The following KCNN1 variants were observed in gnomAD, a reference collection of about 807,000 sequenced individuals.
The protein encoded by KCNN1 is potassium calcium-activated channel subfamily N member 1.
KCNN1 carries 20 observed loss-of-function variants against 44.7 expected under a neutral mutation model. The observed-to-expected ratio is 0.45, with a 90% confidence interval of 0.32 to 0.65. The LOEUF is 0.65. KCNN1 is among the 30% of genes least tolerant of loss of function. The pLI, the probability that KCNN1 is intolerant of heterozygous loss-of-function variation, is 0.05. For missense variants in KCNN1, 632 were observed against 785.3 expected (o/e 0.80, Z 2.33); for synonymous variants, 324 against 341.7 (o/e 0.95, Z 0.57).
intron 2 of KCNN1, 90 bp from the exon 3 acceptor site, chr19:17,975,002 C>T (rs1444001259): frequency 1.5e-5 from 15 of 968,290 alleles, no homozygotes; most frequent in Middle Eastern, 2.2e-4. Context: ...TTAGCTGACT[C>T]CCATGCCCGG....
chr19:17,986,727 G>C (rs1288639749), intron 5 of KCNN1, among the ~76,000 whole-genome samples: 1 of 151,944 alleles, frequency 6.6e-6, no homozygotes, highest in African/African-American at 2.4e-5. Context: ...GAACTCCTGG[G>C]CTCAAGTGAT....
At chr19:17,958,457 C>T (rs1012692554) in intron 2 of KCNN1, among the ~76,000 whole-genome samples, 9 of 147,862 alleles carry the variant, frequency 6.1e-5, no homozygotes, top group East Asian at 2.0e-4. Flanking sequence ...CAAACTGCTG[C>T]GAGACAACAG....
Position 17,989,196 on chromosome 19 carries a change from G to A in KCNN1, c.1171-520G>A, listed in dbSNP as rs760184881. Among the ~76,000 whole-genome samples, 36 of 152,164 alleles carry A rather than the reference G, an allele frequency of 2.4e-4. 1 individual carries two copies. The highest frequency in any genetic ancestry group is 2.9e-5 in the Non-Finnish European group (2 of 68,030). On this transcript the variant is annotated intron_variant, in intron 6 of 9. Coordinates refer to ENST00000684775, the MANE Select transcript of KCNN1 (RefSeq NM_001386974.1). ...ATCATGGCCGGGCGCGGTGGCTCACGCCTGTAATCCCAGCACTTTAGGAGG... is the reference window on the plus strand; with the variant it reads ...ATCATGGCCGGGCGCGGTGGCTCACACCTGTAATCCCAGCACTTTAGGAGG...
Position 17,993,503 on chromosome 19 carries a change from A to G in KCNN1, c.1321A>G (p.Lys441Glu). 6.2e-7 allele frequency: 1 copy of G among 1,613,146 alleles called. No individual in the cohort carries two copies. Among genetic ancestry groups the G allele is most frequent in the Non-Finnish European group, 8.5e-7 (1 of 1,179,580 alleles). The change falls in exon 9 of 10, where the codon AAG becomes GAG. Residue 441 changes from lysine to glutamate, a missense_variant. Coordinates refer to ENST00000684775, the MANE Select transcript of KCNN1 (RefSeq NM_001386974.1). This position sits in a 1 kb window ranked among gnomAD's most constrained non-coding sequence, Gnocchi z 4.5. ...IHQAQKLRSV[K>E]IEQGKLNDQA... ...GTGTCCCCACAGGCTCCGGAGTGTG[A>G]AGATCGAGCAAGGGAAGCTGAACGA...
chr19:17,963,287 G>T (rs6512241), upstream of KCNN1, among the ~76,000 whole-genome samples: 1 of 149,652 alleles, frequency 6.7e-6, no homozygotes, highest in Admixed American at 6.7e-5. Context: ...TGCTGAGATT[G>T]CAGGAGTGAG....
intron 3 of KCNN1, among the ~76,000 whole-genome samples, chr19:17,978,431 T>G (rs1171627305): frequency 3.3e-5 from 5 of 149,878 alleles, no homozygotes; most frequent in African/African-American, 4.9e-5. Flanking sequence ...CCTGTTTTTT[T>G]TTTTTTTTTT....
chr19:18,000,065 C>G lies in KCNN1; in HGVS notation c.*1659C>G, dbSNP rs976274116. The G allele has an allele frequency of 4.4e-6, 2 of 455,092 alleles. No individual in the cohort carries two copies. Among genetic ancestry groups the G allele is most frequent in the Non-Finnish European group, 8.8e-6 (2 of 226,354 alleles). The allele number at this position is 455,092 out of a possible 1,614,324, so 28.2% of individuals were successfully genotyped here. ...TAGGTGCTCAATAAATGCTCCTTCCCGCCTGAGGGATCACACTGGAGTCTT... is the reference window on the plus strand; with the variant it reads ...TAGGTGCTCAATAAATGCTCCTTCCGGCCTGAGGGATCACACTGGAGTCTT... On this transcript the variant is annotated 3_prime_UTR_variant, in exon 10 of 10. Transcript: ENST00000684775.
At chr19:17,972,871 G>A (rs560301892) in intron 1 of KCNN1, among the ~76,000 whole-genome samples, 29 of 152,336 alleles carry the variant, frequency 1.9e-4, no homozygotes, top group Admixed American at 5.2e-4. Context: ...TGTTTCCTGA[G>A]TGTCATCTGT....
In KCNN1 at chr19:17,967,249, G is replaced by C. The variant is rs940586996; in HGVS notation, c.-150G>C. On this transcript the variant is annotated 5_prime_UTR_variant, in exon 1 of 10. Coordinates refer to ENST00000684775, the MANE Select transcript of KCNN1 (RefSeq NM_001386974.1). ...GCGACCCCGGCTCCGGCTCCCGACT[G>C]GGGGTCCGCGGCCGCGCGGGACCCT... 9 of 984,636 alleles carry C rather than the reference G, an allele frequency of 9.1e-6. 1 individual carries two copies. In the Admixed American group the frequency reaches 2.5e-4, roughly 27 times the overall value. The allele number at this position is 984,636 out of a possible 1,614,324, so 61.0% of individuals were successfully genotyped here.
At chr19:17,982,880 A>G (rs2032466711) in intron 4 of KCNN1, among the ~76,000 whole-genome samples, 1 of 151,916 alleles carries the variant, frequency 6.6e-6, no homozygotes, top group Non-Finnish European at 1.5e-5. Flanking sequence ...CAAGACTTAA[A>G]TGGATCTGGG....
intron 5 of KCNN1, among the ~76,000 whole-genome samples, chr19:17,986,192 A>C (rs9676715): frequency 0.38 from 57,740 of 151,038 alleles, 11,337 homozygotes; most frequent in East Asian, 0.54. Flanking sequence ...GGTGAGACCC[A>C]GTCTGTACTA....
intron 2 of KCNN1, among the ~76,000 whole-genome samples, chr19:17,959,174 G>A (rs1360628159): frequency 6.6e-6 from 1 of 151,660 alleles, no homozygotes; most frequent in Admixed American, 6.6e-5. Context: ...ATACGCGTGC[G>A]CCACCACACC....
intron 2 of KCNN1, 72 bp from the exon 3 acceptor site, chr19:17,975,020 G>A: frequency 8.4e-7 from 1 of 1,188,544 alleles, no homozygotes; most frequent in Non-Finnish European, 1.3e-6. Context: ...CGGGAGCCAG[G>A]GTAAGGGGAT....
At chr19:17,991,709 G>A (rs1055339366) in intron 7 of KCNN1, among the ~76,000 whole-genome samples, 1 of 152,162 alleles carries the variant, frequency 6.6e-6, no homozygotes, top group Non-Finnish European at 1.5e-5. Context: ...ATTAAAATAA[G>A]TAAATAAATA....
At chr19:17,975,059 C>T (rs367902017) in intron 2 of KCNN1, 33 bp from the exon 3 acceptor site, 34 of 1,573,066 alleles carry the variant, frequency 2.2e-5, no homozygotes, top group South Asian at 1.6e-4. Context: ...CCGCCTCCAG[C>T]GTCCATCTGG....
At chr19:17,964,125 G>GTGAA (rs200905268), upstream of KCNN1, among the ~76,000 whole-genome samples, 822 of 151,618 alleles carry the variant, frequency 5.4e-3, 6 homozygotes, top group African/African-American at 0.019. This position sits in a 1 kb window ranked among gnomAD's most constrained non-coding sequence, Gnocchi z 4.3. Flanking sequence ...GAATGAATTA[G>GTGAA]TGAATGAATG....
intron 5 of KCNN1, among the ~76,000 whole-genome samples, chr19:17,986,562 C>A (rs1391945889): frequency 1.3e-5 from 2 of 152,168 alleles, no homozygotes; most frequent in Non-Finnish European, 2.9e-5. Context: ...TCTCTTTTCC[C>A]TAATTCAGTC....
chr19:17,957,250 G>C (rs572975184), intron 2 of KCNN1, among the ~76,000 whole-genome samples: 1 of 104,618 alleles, frequency 9.6e-6, no homozygotes, highest in Non-Finnish European at 2.0e-5. Context: ...GAAGGGGAAA[G>C]GGAAAGGGAA....
intron 3 of KCNN1, among the ~76,000 whole-genome samples, chr19:17,978,393 G>A (rs2145936202): frequency 6.8e-6 from 1 of 148,040 alleles, no homozygotes; most frequent in South Asian, 2.1e-4. Flanking sequence ...CCAAAGTGCT[G>A]GGATTACAGG....
Sources: allele counts gnomAD v4.1 joint callset (sites outside exome capture counted in the v4.1 genomes callset), GRCh38; gene constraint gnomAD v4.1.1; non-coding constraint Gnocchi (gnomAD v3.1); transcripts MANE v1.5; gene names NCBI Gene and HGNC (gene_info 2026-07-23, HGNC 2026-07-21).